The following SCN2A variants were observed in gnomAD, a reference collection of about 807,000 sequenced individuals.
SCN2A encodes the protein sodium channel protein type 2 subunit alpha.
Under a neutral mutation model 188.7 loss-of-function variants are expected in SCN2A, and 20 were observed. The ratio of observed to expected loss-of-function variants is 0.11; its 90% confidence interval spans 0.07 to 0.15. SCN2A has a LOEUF of 0.15. SCN2A is among the 10% of genes least tolerant of loss of function. The pLI, the probability that SCN2A is intolerant of heterozygous loss-of-function variation, is 1.00. For missense variants in SCN2A, 1,278 were observed against 2,445.0 expected (o/e 0.52, Z 10.07); for synonymous variants, 804 against 833.1 (o/e 0.97, Z 0.60).
intron 4 of SCN2A, among the ~76,000 whole-genome samples, chr2:165,308,460 T>C (rs1284702954): frequency 6.6e-6 from 1 of 152,150 alleles, no homozygotes; most frequent in Non-Finnish European, 1.5e-5. Flanking sequence ...ATGTGGAAAA[T>C]GCAATATACA....
chr2:165,257,897 C>T (rs933267447), intron 1 of SCN2A, among the ~76,000 whole-genome samples: 1 of 152,074 alleles, frequency 6.6e-6, no homozygotes, highest in African/African-American at 2.4e-5. Flanking sequence ...TTTCTTCATA[C>T]GTTTGTCCCA....
At chr2:165,364,667 G>A (rs571271592) in intron 17 of SCN2A, among the ~76,000 whole-genome samples, 1 of 152,300 alleles carries the variant, frequency 6.6e-6, no homozygotes, top group South Asian at 2.1e-4. Flanking sequence ...TCAATGAAAA[G>A]TGGATAAATT....
In SCN2A at chr2:165,389,840, T is replaced by C; in HGVS notation, c.*16T>C. On this transcript the variant is annotated 3_prime_UTR_variant, in exon 27 of 27. Transcript: ENST00000375437. This position sits in a 1 kb window ranked among gnomAD's most constrained non-coding sequence, Gnocchi z 4.2. The stretch of plus-strand genomic sequence containing the variant: ...TAAAAAGTAAAAAGAAACCAAGAAT[T>C]TTCCATTTTGTGATCAATTGTTTAC... The C allele has an allele frequency of 6.3e-7, 1 of 1,584,984 alleles. No individual in the cohort carries two copies. Among genetic ancestry groups the C allele is most frequent in the Admixed American group, 1.8e-5 (1 of 56,018 alleles).
intron 17 of SCN2A, among the ~76,000 whole-genome samples, chr2:165,357,101 G>T (rs1574671772): frequency 6.6e-6 from 1 of 151,982 alleles, no homozygotes; most frequent in Admixed American, 6.6e-5. Context: ...AAACTTTCTA[G>T]ACATAAATTT....
chr2:165,351,179 C>T (rs899981328), intron 16 of SCN2A, among the ~76,000 whole-genome samples: 1 of 152,134 alleles, frequency 6.6e-6, no homozygotes, highest in African/African-American at 2.4e-5. Context: ...ATGTGCTCCT[C>T]TATGTCAAGT....
In SCN2A at chr2:165,389,837, A is replaced by C. The variant is rs767960557; in HGVS notation, c.*13A>C. On this transcript the variant is annotated 3_prime_UTR_variant, in exon 27 of 27. Transcript: ENST00000375437. The surrounding 1 kb of genome is among the most constrained non-coding windows in gnomAD (Gnocchi z 4.2). ...AAGTAAAAAGTAAAAAGAAACCAAG[A>C]ATTTTCCATTTTGTGATCAATTGTT... is the stretch of plus-strand genomic sequence containing the variant. The C allele has an allele frequency of 3.8e-6, 6 of 1,589,692 alleles. No individual in the cohort carries two copies. The South Asian group carries it at 6.8e-5, about 18-fold the overall frequency.
chr2:165,365,391 A>G (rs1323435513), intron 18 of SCN2A, 128 bp downstream of exon 18: 5 of 1,056,800 alleles, frequency 4.7e-6, no homozygotes, highest in Non-Finnish European at 7.1e-6. Context: ...CTATCTATCT[A>G]TCTATCTAGT....
At chr2:165,287,555 T>C (rs1187207786) in intron 1 of SCN2A, among the ~76,000 whole-genome samples, 2 of 151,842 alleles carry the variant, frequency 1.3e-5, no homozygotes, top group Admixed American at 1.3e-4. Flanking sequence ...CTTTACCTGG[T>C]GCTGGCTAAG....
chr2:165,263,706 A>G (rs1318000563), intron 1 of SCN2A, among the ~76,000 whole-genome samples: 1 of 151,676 alleles, frequency 6.6e-6, no homozygotes, highest in Non-Finnish European at 1.5e-5. Flanking sequence ...GGCTCTTTTT[A>G]TTTTCATATG....
At chr2:165,273,558 T>C (rs537880661) in intron 1 of SCN2A, 1 of 152,292 alleles carries the variant, frequency 6.6e-6, no homozygotes, top group Non-Finnish European at 1.5e-5. Context: ...AATATTTTCT[T>C]TGTAGAACTA....
At chr2:165,384,630 C>T (rs935405598) in intron 25 of SCN2A, among the ~76,000 whole-genome samples, 1 of 152,062 alleles carries the variant, frequency 6.6e-6, no homozygotes, top group Non-Finnish European at 1.5e-5. Flanking sequence ...TGATACTGCT[C>T]CTGCTTTTGA....
rs1308555812 is a variant in SCN2A at position 165,374,835 on chromosome 2, T to C, written c.4123T>C (p.Phe1375Leu). 6.2e-7 allele frequency: 1 copy of C among 1,613,604 alleles called. No homozygotes were observed. Among genetic ancestry groups the C allele is most frequent in the East Asian group, 2.2e-5 (1 of 44,854 alleles). ...HCINYTTGEM[F>L]DVSVVNNYSE... ...TATTAATTACACCACTGGAGAGATGTTTGATGTAAGCGTGGTCAACAACTA... is the reference window on the plus strand; with the variant it reads ...TATTAATTACACCACTGGAGAGATGCTTGATGTAAGCGTGGTCAACAACTA... Residue 1375 changes from phenylalanine to leucine, a missense_variant, in exon 22 of 27, where the codon TTT becomes CTT. Physicochemically the swap from Phe to Leu is conservative, Grantham distance 22 (BLOSUM62 0). Transcript: ENST00000375437.
chr2:165,348,213 G>C (rs1699702489), intron 16 of SCN2A, among the ~76,000 whole-genome samples: 1 of 152,170 alleles, frequency 6.6e-6, no homozygotes, highest in Non-Finnish European at 1.5e-5. Context: ...ACAAAAATTA[G>C]CCAGGCGTGA....
At chr2:165,319,611 C>T (rs975466536) in intron 11 of SCN2A, among the ~76,000 whole-genome samples, 2 of 152,158 alleles carry the variant, frequency 1.3e-5, no homozygotes, top group African/African-American at 2.4e-5. Context: ...GCTGGCAAAG[C>T]CTCACAATCA....
At chr2:165,332,107 T>A (rs1177947288) in intron 14 of SCN2A, among the ~76,000 whole-genome samples, 2 of 151,878 alleles carry the variant, frequency 1.3e-5, no homozygotes, top group African/African-American at 4.8e-5. Context: ...TGGATACATA[T>A]TGATATTATA....
At chr2:165,380,513 A>T in intron 23 of SCN2A, 79 bp from the exon 24 acceptor site, 1 of 1,021,590 alleles carries the variant, frequency 9.8e-7, no homozygotes, top group Non-Finnish European at 1.5e-6. Flanking sequence ...AAACATGCTT[A>T]GATAATTAAA....
At chr2:165,294,938 G>A (rs774837053) in intron 1 of SCN2A, among the ~76,000 whole-genome samples, 10 of 152,140 alleles carry the variant, frequency 6.6e-5, no homozygotes, top group South Asian at 4.1e-4. Flanking sequence ...GTGATGCTAC[G>A]TTTTTATGAA....
At chr2:165,322,639 T>A (rs1698135459) in intron 11 of SCN2A, among the ~76,000 whole-genome samples, 2 of 152,210 alleles carry the variant, frequency 1.3e-5, no homozygotes, top group African/African-American at 4.8e-5. Context: ...CCGTGTACTA[T>A]AATTAAACAT....
chr2:165,269,752 A>G (rs985013540), intron 1 of SCN2A: 9 of 152,046 alleles, frequency 5.9e-5, no homozygotes, highest in South Asian at 2.1e-4. Flanking sequence ...GAAATACTAT[A>G]TATGTATAAA....
Sources: allele counts gnomAD v4.1 joint callset (sites outside exome capture counted in the v4.1 genomes callset), GRCh38; gene constraint gnomAD v4.1.1; non-coding constraint Gnocchi (gnomAD v3.1); transcripts MANE v1.5; gene names NCBI Gene and HGNC (gene_info 2026-07-23, HGNC 2026-07-21).